The following CADPS2 variants were observed in gnomAD, a reference collection of about 807,000 sequenced individuals.
CADPS2 encodes calcium dependent secretion activator 2, also known as calcium-dependent secretion activator 2.
A neutral mutation model predicts 172.5 loss-of-function variants in CADPS2; 93 were observed. The observed-to-expected ratio is 0.54, with a 90% CI of 0.46 to 0.64. The LOEUF is 0.64. Among genes scored for constraint, CADPS2 ranks in the 30% least tolerant of loss-of-function variants. The pLI is 0.00. For synonymous variants in CADPS2, 546 were observed against 555.2 expected (o/e 0.98, Z 0.23); for missense variants, 1,420 against 1,565.9 (o/e 0.91, Z 1.57).
chr7:122,770,606 G>A (rs1417272730), intron 1 of CADPS2, among the ~76,000 whole-genome samples: 1 of 151,018 alleles, frequency 6.6e-6, no homozygotes, highest in Non-Finnish European at 1.5e-5. Context: ...AGACAAAAAA[G>A]ACACTGTTTC....
chr7:122,803,472 C>T (rs1798077615), intron 1 of CADPS2, among the ~76,000 whole-genome samples: 1 of 152,098 alleles, frequency 6.6e-6, no homozygotes, highest in Admixed American at 6.5e-5. Flanking sequence ...TACATTGCTG[C>T]CTCTGTGACA....
At chr7:122,437,394 A>C (rs1223803472) in intron 17 of CADPS2, among the ~76,000 whole-genome samples, 1 of 152,086 alleles carries the variant, frequency 6.6e-6, no homozygotes, top group Non-Finnish European at 1.5e-5. Context: ...TAATAACACA[A>C]ACAATTATCA....
At chr7:122,490,050 G>A in intron 11 of CADPS2, 31 bp downstream of exon 11, 3 of 1,584,250 alleles carry the variant, frequency 1.9e-6, no homozygotes, top group Non-Finnish European at 2.6e-6. Context: ...GCTATTAATT[G>A]ATAATCAAAT....
intron 6 of CADPS2, among the ~76,000 whole-genome samples, chr7:122,584,725 C>T (rs1410079988): frequency 1.3e-5 from 2 of 151,900 alleles, no homozygotes; most frequent in African/African-American, 4.8e-5. Context: ...CTACAGCACC[C>T]CATAAATTTA....
intron 3 of CADPS2, 53 bp downstream of exon 3, chr7:122,663,184 A>G (rs1474288293): frequency 7.7e-7 from 1 of 1,291,406 alleles, no homozygotes; most frequent in African/African-American, 1.5e-5. Context: ...TAAATACTTC[A>G]TGTTCATTCC....
chr7:122,553,395 T>C (rs901757814), intron 8 of CADPS2, among the ~76,000 whole-genome samples: 1 of 152,164 alleles, frequency 6.6e-6, no homozygotes, highest in Non-Finnish European at 1.5e-5. Context: ...GAGTCATAGT[T>C]AGACTTGACT....
At chr7:122,738,974 C>CATCATTAT (rs2092334370) in intron 1 of CADPS2, among the ~76,000 whole-genome samples, 1 of 151,976 alleles carries the variant, frequency 6.6e-6, no homozygotes. Context: ...GCAGGAACAT[C>CATCATTAT]ATCATTATAT....
At chr7:122,526,461 G>A (rs751346538) in intron 8 of CADPS2, among the ~76,000 whole-genome samples, 2 of 152,038 alleles carry the variant, frequency 1.3e-5, no homozygotes, top group Non-Finnish European at 2.9e-5. Context: ...CCAAAGTGCT[G>A]GGAATACAGG....
chr7:122,622,625 TG>T (rs1440764685), intron 4 of CADPS2, among the ~76,000 whole-genome samples: 1 of 152,200 alleles, frequency 6.6e-6, no homozygotes, highest in Non-Finnish European at 1.5e-5. Flanking sequence ...CTTTAATGTT[TG>T]CCAACCTGGC....
At chr7:122,498,179 C>G (rs569284360) in intron 9 of CADPS2, among the ~76,000 whole-genome samples, 6 of 152,130 alleles carry the variant, frequency 3.9e-5, no homozygotes, top group Non-Finnish European at 7.4e-5. Flanking sequence ...AACTCCTGAC[C>G]TCAAGTGATC....
intron 1 of CADPS2, among the ~76,000 whole-genome samples, chr7:122,828,203 T>C (rs1185225863): frequency 6.6e-6 from 1 of 152,208 alleles, no homozygotes. Context: ...AATTTTATTT[T>C]CTTTGAAGCC....
chr7:122,411,754 C>T (rs1361183318), intron 19 of CADPS2, among the ~76,000 whole-genome samples: 18 of 152,092 alleles, frequency 1.2e-4, no homozygotes. Context: ...TACACACATA[C>T]TCACATACAC....
At chr7:122,547,214 T>C (rs181615069) in intron 8 of CADPS2, among the ~76,000 whole-genome samples, 37 of 152,222 alleles carry the variant, frequency 2.4e-4, no homozygotes, top group Admixed American at 2.2e-3. Context: ...ACCACAGGGA[T>C]GGTCTAAGAA....
At chr7:122,423,457 T>C (rs914335070) in intron 17 of CADPS2, among the ~76,000 whole-genome samples, 2 of 152,134 alleles carry the variant, frequency 1.3e-5, no homozygotes, top group Non-Finnish European at 2.9e-5. Context: ...CCTCAAAATC[T>C]GGGGGTGAGG....
intron 17 of CADPS2, among the ~76,000 whole-genome samples, chr7:122,425,615 T>G (rs2151847684): frequency 6.6e-6 from 1 of 151,694 alleles, no homozygotes; most frequent in African/African-American, 2.4e-5. Flanking sequence ...CAAAAAAGAC[T>G]GTTCTTTAGC....
intron 5 of CADPS2, among the ~76,000 whole-genome samples, chr7:122,615,571 G>A (rs1278924592): frequency 1.3e-5 from 2 of 152,090 alleles, no homozygotes. Context: ...ATAAGCCATA[G>A]TGAATTAAAT....
chr7:122,610,344 A>C (rs1015933645), intron 6 of CADPS2, among the ~76,000 whole-genome samples: 1 of 152,092 alleles, frequency 6.6e-6, no homozygotes, highest in Non-Finnish European at 1.5e-5. Context: ...TGTTAAAATA[A>C]CGTAACTTCA....
intron 1 of CADPS2, among the ~76,000 whole-genome samples, chr7:122,856,043 C>G (rs773104017): frequency 2.6e-5 from 4 of 152,196 alleles, no homozygotes; most frequent in Non-Finnish European, 5.9e-5. Flanking sequence ...CCCCTTCCCC[C>G]TTCCTTCTGC....
At chr7:122,567,725 T>C (rs2066651048) in intron 7 of CADPS2, among the ~76,000 whole-genome samples, 1 of 152,132 alleles carries the variant, frequency 6.6e-6, no homozygotes, top group Admixed American at 6.6e-5. Context: ...GTAAGGTTCT[T>C]AAATATACAT....
Sources: gnomAD v4.1 joint callset for allele counts (sites outside exome capture counted in the v4.1 genomes callset) on GRCh38, gnomAD v4.1.1 for gene constraint, MANE v1.5 for transcripts, NCBI Gene and HGNC (gene_info 2026-07-23, HGNC 2026-07-21) for gene names.